The following PPP2R2C variants were observed in gnomAD, a reference collection of about 807,000 sequenced individuals.
PPP2R2C encodes the protein protein phosphatase 2 regulatory subunit Bgamma, also known as protein phosphatase 2, regulatory subunit B, gamma.
PPP2R2C carries 10 observed loss-of-function variants against 45.3 expected under a neutral mutation model. The ratio of observed to expected loss-of-function variants is 0.22; its 90% confidence interval spans 0.14 to 0.37. The LOEUF is 0.37. Among genes scored for constraint, PPP2R2C ranks in the 10% least tolerant of loss-of-function variants. The pLI is 1.00. For synonymous variants in PPP2R2C, 257 were observed against 245.4 expected, an observed-to-expected ratio of 1.05 and a Z score of -0.44; for missense variants, 308 against 619.7, an observed-to-expected ratio of 0.50 and a Z score of 5.34.
chr4:6,538,392 T>C (rs912515094), intron 1 of PPP2R2C, among the ~76,000 whole-genome samples: 5 of 152,070 alleles, frequency 3.3e-5, no homozygotes, highest in African/African-American at 1.2e-4. Flanking sequence ...CACAGGTGCA[T>C]TGAGCCAAGT....
At chr4:6,391,258 T>C (rs1716614313) in intron 1 of PPP2R2C, among the ~76,000 whole-genome samples, 1 of 152,062 alleles carries the variant, frequency 6.6e-6, no homozygotes, top group Non-Finnish European at 1.5e-5. Context: ...CTGTTCCACC[T>C]CATTGTGGCT....
intron 1 of PPP2R2C, among the ~76,000 whole-genome samples, chr4:6,423,647 T>C (rs1719110543): frequency 6.6e-6 from 1 of 152,154 alleles, no homozygotes; most frequent in Non-Finnish European, 1.5e-5. Context: ...TTGGAGGAAA[T>C]GAACAAAGGG....
upstream of PPP2R2C, among the ~76,000 whole-genome samples, chr4:6,476,033 G>A (rs2108774845): frequency 6.6e-6 from 1 of 152,304 alleles, no homozygotes; most frequent in South Asian, 2.1e-4. Flanking sequence ...AACCAGGAAG[G>A]GGCCTCACCA....
At chr4:6,337,629 G>A (rs58286445) in intron 6 of PPP2R2C, among the ~76,000 whole-genome samples, 50 of 152,110 alleles carry the variant, frequency 3.3e-4, no homozygotes, top group Non-Finnish European at 5.7e-4. Flanking sequence ...CAGGACTTGC[G>A]GGTGGATTCA....
intron 5 of PPP2R2C, among the ~76,000 whole-genome samples, chr4:6,363,935 T>C (rs1028936425): frequency 6.6e-6 from 1 of 152,198 alleles, no homozygotes; most frequent in Non-Finnish European, 1.5e-5. Context: ...AAGGACTTTC[T>C]AAGGAGGCCG....
At chr4:6,472,639 G>A (rs1258138268), upstream of PPP2R2C, among the ~76,000 whole-genome samples, 1 of 147,590 alleles carries the variant, frequency 6.8e-6, no homozygotes, top group Non-Finnish European at 1.5e-5. Context: ...CGCCGCCGCC[G>A]CCGCTGTCGC....
At chr4:6,394,648 G>A (rs55674050) in intron 1 of PPP2R2C, among the ~76,000 whole-genome samples, 48,555 of 152,180 alleles carry the variant, frequency 0.32, 8,506 homozygotes, top group Middle Eastern at 0.56. Context: ...CCAGGATGGG[G>A]GGCATGGAGG....
chr4:6,450,892 C>T (rs1030451989), intron 1 of PPP2R2C, among the ~76,000 whole-genome samples: 2 of 152,142 alleles, frequency 1.3e-5, no homozygotes, highest in Non-Finnish European at 2.9e-5. Context: ...GCCGCTGTGC[C>T]CTTCCCACAC....
At chr4:6,486,224 C>G (rs1026105578) in intron 2 of PPP2R2C, among the ~76,000 whole-genome samples, 1 of 151,920 alleles carries the variant, frequency 6.6e-6, no homozygotes, top group South Asian at 2.1e-4. Context: ...TAATTTAATT[C>G]TATTATGACA....
At chr4:6,545,094 G>T (rs1044189996) in intron 1 of PPP2R2C, among the ~76,000 whole-genome samples, 2 of 152,152 alleles carry the variant, frequency 1.3e-5, no homozygotes, top group Non-Finnish European at 2.9e-5. Context: ...GGCTCTCCCG[G>T]GCTCACCCTC....
intron 1 of PPP2R2C, among the ~76,000 whole-genome samples, chr4:6,561,614 G>C (rs1001175025): frequency 2.0e-5 from 3 of 152,002 alleles, no homozygotes; most frequent in Non-Finnish European, 4.4e-5. Context: ...CACACACGGA[G>C]AGAGACACAA....
intron 1 of PPP2R2C, chr4:6,381,517 T>A: frequency 7.2e-7 from 1 of 1,385,310 alleles, no homozygotes; most frequent in Non-Finnish European, 9.4e-7. Context: ...TCCCAATATC[T>A]CCATAGATAA....
intron 2 of PPP2R2C, among the ~76,000 whole-genome samples, chr4:6,529,902 G>T (rs1724339698): frequency 6.6e-6 from 1 of 152,184 alleles, no homozygotes; most frequent in African/African-American, 2.4e-5. Flanking sequence ...AGACTGGGAG[G>T]GGACAGCAGC....
chr4:6,503,016 C>T (rs1723108980), intron 2 of PPP2R2C, among the ~76,000 whole-genome samples: 1 of 152,200 alleles, frequency 6.6e-6, no homozygotes, highest in Non-Finnish European at 1.5e-5. Flanking sequence ...ACTTCTCAGC[C>T]CTTCCTCACT....
chr4:6,369,366 C>T (rs893580302), intron 5 of PPP2R2C, among the ~76,000 whole-genome samples: 1 of 152,180 alleles, frequency 6.6e-6, no homozygotes, highest in Non-Finnish European at 1.5e-5. Flanking sequence ...TGTGCACAGC[C>T]GTTATGGTTG....
chr4:6,504,411 G>A (rs1306748800), intron 2 of PPP2R2C, among the ~76,000 whole-genome samples: 4 of 151,464 alleles, frequency 2.6e-5, no homozygotes, highest in Non-Finnish European at 5.9e-5. Flanking sequence ...AAAATTCAGG[G>A]TACAAATCAA....
intron 1 of PPP2R2C, among the ~76,000 whole-genome samples, chr4:6,406,462 G>C (rs1481084940): frequency 6.6e-6 from 1 of 152,246 alleles, no homozygotes; most frequent in East Asian, 1.9e-4. Context: ...AGGGTGCAGG[G>C]CTCACGCCTG....
chr4:6,344,686 T>C (rs1050098720), intron 6 of PPP2R2C, among the ~76,000 whole-genome samples: 1 of 152,202 alleles, frequency 6.6e-6, no homozygotes, highest in Non-Finnish European at 1.5e-5. Context: ...TTCCATCAGT[T>C]TCTTATAGCT....
chr4:6,440,877 G>T (rs886912572), intron 1 of PPP2R2C, among the ~76,000 whole-genome samples: 3 of 152,170 alleles, frequency 2.0e-5, no homozygotes, highest in Non-Finnish European at 2.9e-5. Flanking sequence ...AGCCAGGAAG[G>T]GTGTAGGGAA....
Sources: gnomAD v4.1 joint callset for allele counts (sites outside exome capture counted in the v4.1 genomes callset) on GRCh38, gnomAD v4.1.1 for gene constraint, MANE v1.5 for transcripts, NCBI Gene and HGNC (gene_info 2026-07-23, HGNC 2026-07-21) for gene names.